HTD2: variants seen among roughly 807,000 people sequenced by gnomAD.
HTD2 encodes the protein hydroxyacyl-thioester dehydratase type 2, mitochondrial.
A neutral mutation model predicts 3.1 loss-of-function variants in HTD2; 1 was observed. The observed-to-expected ratio is 0.32, with a 90% CI of 0.11 to 1.52. HTD2 has a LOEUF of 1.52. Among genes scored for constraint, HTD2 ranks in the 40% most tolerant of loss-of-function variants. HTD2 has a pLI of 0.39. For synonymous variants in HTD2, 50 were observed against 28.9 expected (o/e 1.73, Z -2.34); for missense variants, 150 against 79.6 (o/e 1.88, Z -3.36).
In HTD2 at chr3:58,317,900, T is replaced by C. The variant is rs1229310119; in HGVS notation, c.287T>C (p.Leu96Pro). 1.0e-5 allele frequency: 7 copies of C among 702,876 alleles called. No homozygotes were observed. Among genetic ancestry groups the C allele is most frequent in the African/African-American group, 7.0e-5 (4 of 57,262 alleles). The allele number at this position is 702,876 out of a possible 1,614,324, so 43.5% of individuals were successfully genotyped here. ...VLINGLISALLGTKMPGPGCV... is the reference protein window; with the variant it reads ...VLINGLISALPGTKMPGPGCV... ...ATCAACGGACTTATCTCAGCTCTCC[T>C]AGGAACTAAAATGCCAGGGCCAGGC... Residue 96 changes from leucine (L) to proline (P), a missense_variant, in exon 5 of 5, where the codon CTA (leucine) becomes CCA (proline). Leu to Pro is a moderately conservative substitution (Grantham distance 98, BLOSUM62 -3). Coordinates refer to ENST00000461393, the MANE Select transcript of HTD2 (RefSeq NM_001348712.2).
chr3:58,318,422 CTGCGG>C lies in HTD2; in HGVS notation c.*303_*307del. 1.0e-5 allele frequency: 2 copies of C among 192,852 alleles called. No individual in the cohort carries two copies. Among genetic ancestry groups the C allele is most frequent in the Non-Finnish European group, 2.1e-5 (2 of 96,762 alleles). 11.9% of individuals were successfully genotyped at this position (192,852 alleles called of 1,614,324 possible). A position where few individuals can be genotyped will look rare whatever the true frequency, so the allele number is the denominator to read the frequency against. ...CCTGTAATCCTGGCACTTTGGGAGG[CTGCGG>C]CAGGCGGATCACTTGAGGTCAGGAG... On this transcript the variant is annotated 3_prime_UTR_variant, in exon 5 of 5. Transcript: ENST00000461393.
Position 58,309,864 on chromosome 3 carries a change from C to CAA in HTD2, c.-415-643_-415-642insAA, listed in dbSNP as rs1380146989. Among the ~76,000 whole-genome samples, 177 of 152,036 alleles carry CAA rather than the reference C, an allele frequency of 1.2e-3. 1 individual carries two copies. The highest frequency in any genetic ancestry group is 9.1e-3 in the Admixed American group (139 of 15,276). ...CCAAGATTGTGCCACTGCACTCCAG[C>CAA]CTGGGCGACAGAGCAAGACTCCTTC... On this transcript the variant is annotated intron_variant, in intron 1 of 4. Coordinates refer to ENST00000461393, the MANE Select transcript of HTD2 (RefSeq NM_001348712.2).
intron 1 of HTD2, among the ~76,000 whole-genome samples, chr3:58,307,205 AGTCCTGCAG>A (rs1309873898): frequency 7.2e-5 from 11 of 152,158 alleles, no homozygotes; most frequent in Non-Finnish European, 1.6e-4. Flanking sequence ...TAGAGGGAGC[AGTCCTGCAG>A]GTGAGGCAGA....
chr3:58,320,190 C>G lies in HTD2; in HGVS notation c.*2070C>G, dbSNP rs1329487898. 6.6e-6 allele frequency: 1 copy of G among 151,950 alleles called. No individual in the cohort carries two copies. The highest frequency in any genetic ancestry group is 1.5e-5 in the Non-Finnish European group (1 of 68,000). 9.4% of individuals were successfully genotyped at this position (151,950 alleles called of 1,614,324 possible). A position where few individuals can be genotyped will look rare whatever the true frequency, so the allele number is the denominator to read the frequency against. On this transcript the variant is annotated 3_prime_UTR_variant, in exon 5 of 5. Transcript: ENST00000461393. ...TGAATAATATTCCATTGTATTTACCCATACATCAGTTGATATTTGGATTAT... is the reference window on the plus strand; with the variant it reads ...TGAATAATATTCCATTGTATTTACCGATACATCAGTTGATATTTGGATTAT...
At chr3:58,309,921 C>T (rs1166490682) in intron 1 of HTD2, 1 of 169,900 alleles carries the variant, frequency 5.9e-6, no homozygotes. Flanking sequence ...ACAGGAAGGC[C>T]GGGCCTGGTG....
intron 1 of HTD2, 66 bp from the exon 2 acceptor site, chr3:58,310,441 C>T (rs752641098): frequency 1.9e-5 from 30 of 1,605,506 alleles, no homozygotes; most frequent in Non-Finnish European, 2.5e-5. Context: ...TTTTAGATTA[C>T]TTTTCTAACA....
chr3:58,306,461 T>G (rs1258085958), upstream of HTD2: 1 of 152,264 alleles, frequency 6.6e-6, no homozygotes, highest in Non-Finnish European at 1.5e-5. Context: ...CTGGGAGCCG[T>G]CTCAGTTGGC....
At position 58,318,317 on chromosome 3, in the gene HTD2, A is replaced by G. The variant is rs774501241; in HGVS notation, c.*197A>G. On this transcript the variant is annotated 3_prime_UTR_variant, in exon 5 of 5. Transcript: ENST00000461393. ...GCTTCATGCAGACTTGAGTGTATGC[A>G]GGATTTCATTATCTGCCTGGGTTTT... is the stretch of plus-strand genomic sequence containing the variant. 5.2e-5 allele frequency: 24 copies of G among 458,630 alleles called. No homozygotes were observed. The highest frequency in any genetic ancestry group is 8.4e-5 in the Non-Finnish European group (22 of 261,860). 28.4% of individuals were successfully genotyped at this position (458,630 alleles called of 1,614,324 possible).
intron 2 of HTD2, among the ~76,000 whole-genome samples, chr3:58,314,429 A>G (rs984085181): frequency 6.6e-6 from 1 of 152,328 alleles, no homozygotes; most frequent in East Asian, 1.9e-4. Flanking sequence ...GGGCAAAAAC[A>G]TTAACAGACA....
At chr3:58,314,344 C>T (rs1291144927) in intron 2 of HTD2, among the ~76,000 whole-genome samples, 1 of 152,070 alleles carries the variant, frequency 6.6e-6, no homozygotes, top group African/African-American at 2.4e-5. Flanking sequence ...GAGAGAGACT[C>T]TGTCTCAAAA....
Position 58,310,540 on chromosome 3 carries a change from T to C in HTD2, c.-382T>C. On this transcript the variant is annotated 5_prime_UTR_variant, in exon 2 of 5. Coordinates refer to ENST00000461393, the MANE Select transcript of HTD2 (RefSeq NM_001348712.2). The stretch of plus-strand genomic sequence containing the variant: ...AAGATTGTGGAGTTGGACTGAATGC[T>C]GCACAGTTCAAACAGCTGCTTATTT... 1 of 1,613,482 alleles carries C rather than the reference T, an allele frequency of 6.2e-7. No homozygotes were observed. The highest frequency in any genetic ancestry group is 8.5e-7 in the Non-Finnish European group (1 of 1,179,874).
chr3:58,310,562 ATTTC>A lies in HTD2; in HGVS notation c.-359_-356del, dbSNP rs1240545534. On this transcript the variant is annotated 5_prime_UTR_variant, in exon 2 of 5. An upstream open reading frame in the 5' UTR loses its in-frame stop. Coordinates refer to ENST00000461393, the MANE Select transcript of HTD2 (RefSeq NM_001348712.2). Reference sequence around the variant, plus strand: ...TGCTGCACAGTTCAAACAGCTGCTTATTTCGGCTGTGAAGGACCTGTTTGGGGAG... The same window carrying A: ...TGCTGCACAGTTCAAACAGCTGCTTAGGCTGTGAAGGACCTGTTTGGGGAG... 1.2e-5 allele frequency: 19 copies of A among 1,612,958 alleles called. No homozygotes were observed. The highest frequency in any genetic ancestry group is 1.6e-5 in the Non-Finnish European group (19 of 1,179,726).
chr3:58,311,051 T>C (rs558851615), intron 2 of HTD2, among the ~76,000 whole-genome samples: 3 of 152,322 alleles, frequency 2.0e-5, no homozygotes, highest in African/African-American at 7.2e-5. Flanking sequence ...TATTCCTTTT[T>C]TTCCTCCTTC....
intron 1 of HTD2, among the ~76,000 whole-genome samples, chr3:58,307,043 G>T (rs1380562019): frequency 6.6e-6 from 1 of 152,234 alleles, no homozygotes; most frequent in Non-Finnish European, 1.5e-5. Context: ...TCCGGTGGCT[G>T]CCTGGAGGAA....
chr3:58,314,454 A>G (rs2097486060), intron 2 of HTD2, among the ~76,000 whole-genome samples: 1 of 152,210 alleles, frequency 6.6e-6, no homozygotes, highest in African/African-American at 2.4e-5. Flanking sequence ...GCTAAAGAGA[A>G]TGTGTGGTTG....
intron 2 of HTD2, among the ~76,000 whole-genome samples, chr3:58,314,127 G>C (rs2097485348): frequency 6.6e-6 from 1 of 152,162 alleles, no homozygotes; most frequent in South Asian, 2.1e-4. Context: ...GAGGTGGGTT[G>C]ATTGCCTGAG....
intron 2 of HTD2, among the ~76,000 whole-genome samples, chr3:58,314,265 C>T (rs933487055): frequency 1.3e-5 from 2 of 152,128 alleles, no homozygotes; most frequent in African/African-American, 4.8e-5. Context: ...GCAGGAGAAC[C>T]ACTTGAACCT....
intron 2 of HTD2, 124 bp from the exon 3 acceptor site, chr3:58,316,391 A>G: frequency 1.2e-6 from 1 of 827,286 alleles, no homozygotes; most frequent in Non-Finnish European, 2.0e-6. Flanking sequence ...AAGTGCCAGC[A>G]CCATTAAATA....
chr3:58,317,535 C>A lies in HTD2; in HGVS notation c.-79C>A. 7.2e-7 allele frequency: 1 copy of A among 1,388,374 alleles called. No individual in the cohort carries two copies. Among genetic ancestry groups the A allele is most frequent in the Non-Finnish European group, 1.0e-6 (1 of 983,630 alleles). The allele number at this position is 1,388,374 out of a possible 1,614,324, so 86.0% of individuals were successfully genotyped here. On this transcript the variant is annotated 5_prime_UTR_variant, in exon 5 of 5. Transcript: ENST00000461393. ...CATTTTGGAAACGTTCATCCACTCT[C>A]ATATTTATTTTTTGGTGCCTGCATG...
Sources: allele counts gnomAD v4.1 joint callset (sites outside exome capture counted in the v4.1 genomes callset), GRCh38; gene constraint gnomAD v4.1.1; transcripts MANE v1.5; gene names NCBI Gene and HGNC (gene_info 2026-07-23, HGNC 2026-07-21).